NHSL1: variants seen among roughly 807,000 people sequenced by gnomAD.
NHSL1 encodes NHS-like protein 1.
NHSL1 carries 48 observed loss-of-function variants against 95.0 expected under a neutral mutation model. That is an observed-to-expected ratio of 0.51 (90% confidence interval 0.40 to 0.64). The LOEUF is 0.64. NHSL1 is among the 30% of genes least tolerant of loss of function. The pLI is 0.00. For synonymous variants in NHSL1, 783 were observed against 833.9 expected (o/e 0.94, Z 1.05); for missense variants, 1,971 against 2,077.7 (o/e 0.95, Z 1.00).
At chr6:138,437,205 C>G (rs576786652) in intron 5 of NHSL1, among the ~76,000 whole-genome samples, 8 of 149,272 alleles carry the variant, frequency 5.4e-5, no homozygotes, top group Non-Finnish European at 1.0e-4. Flanking sequence ...ACCCAGGAGG[C>G]GGAGGTTGCA....
At chr6:138,555,399 T>G (rs1250095216) in intron 1 of NHSL1, among the ~76,000 whole-genome samples, 1 of 152,214 alleles carries the variant, frequency 6.6e-6, no homozygotes, top group Non-Finnish European at 1.5e-5. Context: ...AAGTCAAAAA[T>G]AGAATGCTAA....
rs71009589 is a variant in NHSL1 at position 138,478,012 on chromosome 6, C to CTTTTTTTTTTTT, written c.212-4591_212-4580dup. Among the ~76,000 whole-genome samples, 17 of 30,018 alleles carry CTTTTTTTTTTTT rather than the reference C, an allele frequency of 5.7e-4. 2 individuals carry two copies. The highest frequency in any genetic ancestry group is 1.1e-3 in the Admixed American group (2 of 1,796). The allele number at this position is 30,018 out of a possible 152,430, so 19.7% of individuals were successfully genotyped here. ...TTTTTTCACCATGAAATTTATGTCA[C>CTTTTTTTTTTTT]TTTTTTTTTTTTTTTTTTTTTTTTT... On this transcript the variant is annotated intron_variant, in intron 2 of 7. Coordinates refer to ENST00000343505, the MANE Select transcript of NHSL1 (RefSeq NM_001144060.2).
At chr6:138,584,325 TTCTC>T (rs2114499852) in intron 1 of NHSL1, among the ~76,000 whole-genome samples, 1 of 150,636 alleles carries the variant, frequency 6.6e-6, no homozygotes, top group South Asian at 2.1e-4. Flanking sequence ...CTGTTTGTGT[TTCTC>T]TCACATACTG....
chr6:138,459,471 A>G (rs1004386101), intron 3 of NHSL1, among the ~76,000 whole-genome samples: 2 of 152,132 alleles, frequency 1.3e-5, no homozygotes, highest in Non-Finnish European at 2.9e-5. Context: ...TTGAACTGTT[A>G]TTTATAGAAG....
intron 1 of NHSL1, among the ~76,000 whole-genome samples, chr6:138,554,304 G>A (rs545721443): frequency 2.2e-4 from 33 of 152,148 alleles, no homozygotes; most frequent in East Asian, 2.1e-3. Context: ...ACAGATCAAC[G>A]GGACCCTCCA....
rs113821196 is a variant in NHSL1 at position 138,554,581 on chromosome 6, C to T, written c.202+17129G>A. On this transcript the variant is annotated intron_variant, in intron 1 of 6. Coordinates refer to the NHSL1 transcript ENST00000427025. ...AAAAGATAAAATTCCAGAAGACATA[C>T]TAAGATATTAAGAGCAAGGTACGCC... Among the ~76,000 whole-genome samples the T allele has an allele frequency of 3.2e-3, 493 of 152,296 alleles. 5 individuals are homozygous for T. Among genetic ancestry groups the T allele is most frequent in the African/African-American group, 0.011 (469 of 41,568 alleles).
chr6:138,649,426 C>T (rs1291916690), intron 1 of NHSL1, among the ~76,000 whole-genome samples: 1 of 141,836 alleles, frequency 7.1e-6, no homozygotes, highest in Non-Finnish European at 1.5e-5. Flanking sequence ...TAAAGCCATC[C>T]AAAAAAAAAA....
intron 1 of NHSL1, among the ~76,000 whole-genome samples, chr6:138,675,198 T>G (rs1785432858): frequency 6.6e-6 from 1 of 152,206 alleles, no homozygotes; most frequent in Non-Finnish European, 1.5e-5. Flanking sequence ...TTCCCTCTTC[T>G]GGCTTGGTGC....
intron 1 of NHSL1, among the ~76,000 whole-genome samples, chr6:138,571,302 T>C (rs1008787032): frequency 2.0e-5 from 3 of 152,200 alleles, no homozygotes; most frequent in Non-Finnish European, 4.4e-5. Flanking sequence ...AAGAAGACTA[T>C]GTACGATTCC....
chr6:138,545,497 T>C (rs951435627), intron 1 of NHSL1: 1 of 627,118 alleles, frequency 1.6e-6, no homozygotes, highest in African/African-American at 1.9e-5. Context: ...TTCACTTTCA[T>C]ACTTACAAAA....
chr6:138,475,523 C>T (rs371113432), intron 2 of NHSL1, among the ~76,000 whole-genome samples: 4 of 152,232 alleles, frequency 2.6e-5, no homozygotes, highest in East Asian at 3.9e-4. Flanking sequence ...CCACTGAACC[C>T]GGTCTGATTA....
intron 3 of NHSL1, among the ~76,000 whole-genome samples, chr6:138,464,552 T>A (rs1172922917): frequency 6.6e-6 from 1 of 152,150 alleles, no homozygotes; most frequent in Admixed American, 6.5e-5. Context: ...CTCTGTGATT[T>A]TTTTTTTCCA....
chr6:138,556,749 C>T (rs534881316), intron 1 of NHSL1, among the ~76,000 whole-genome samples: 2 of 151,924 alleles, frequency 1.3e-5, no homozygotes, highest in East Asian at 3.9e-4. Flanking sequence ...GCTCAAATAT[C>T]GTTTAAAGTA....
chr6:138,500,622 G>A (rs1322635346), upstream of NHSL1, among the ~76,000 whole-genome samples: 1 of 152,124 alleles, frequency 6.6e-6, no homozygotes, highest in Non-Finnish European at 1.5e-5. Context: ...TTATAACAAA[G>A]GCTCTTAGTC....
At chr6:138,541,410 C>G (rs1782577152) in intron 1 of NHSL1, among the ~76,000 whole-genome samples, 1 of 152,118 alleles carries the variant, frequency 6.6e-6, no homozygotes, top group Non-Finnish European at 1.5e-5. Context: ...AAAATATTAC[C>G]TCGTTTTTAA....
chr6:138,479,824 T>C (rs184601985), intron 2 of NHSL1, among the ~76,000 whole-genome samples: 12 of 152,348 alleles, frequency 7.9e-5, no homozygotes, highest in Admixed American at 2.0e-4. Flanking sequence ...TTTCTTCATA[T>C]GCATAATTCC....
chr6:138,508,525 C>T (rs563767300), intron 1 of NHSL1, among the ~76,000 whole-genome samples: 18 of 152,288 alleles, frequency 1.2e-4, no homozygotes, highest in South Asian at 2.1e-4. Flanking sequence ...CACAGGGCCA[C>T]CCAGCATCTG....
chr6:138,662,185 A>G (rs1171804640), intron 1 of NHSL1, among the ~76,000 whole-genome samples: 1 of 152,004 alleles, frequency 6.6e-6, no homozygotes, highest in Non-Finnish European at 1.5e-5. Context: ...CTTTGCCCTA[A>G]ATAGTTATCT....
At chr6:138,634,163 A>G (rs1341631538) in intron 1 of NHSL1, among the ~76,000 whole-genome samples, 1 of 152,194 alleles carries the variant, frequency 6.6e-6, no homozygotes, top group African/African-American at 2.4e-5. Flanking sequence ...GGAGAAGACC[A>G]TAAAACAACC....
Sources: gnomAD v4.1 joint callset for allele counts (sites outside exome capture counted in the v4.1 genomes callset) on GRCh38, gnomAD v4.1.1 for gene constraint, MANE v1.5 for transcripts, NCBI Gene and HGNC (gene_info 2026-07-23, HGNC 2026-07-21) for gene names.